GPR176: variants seen among roughly 807,000 people sequenced by gnomAD.
GPR176 encodes the protein G-protein coupled receptor 176.
In GPR176, 26 loss-of-function variants were observed where a neutral mutation model predicts 35.4. That is an observed-to-expected ratio of 0.74 (90% CI 0.54 to 1.02). GPR176 has a LOEUF of 1.02. GPR176 is among the 50% of genes least tolerant of loss of function. The pLI, the probability that GPR176 is intolerant of heterozygous loss-of-function variation, is 0.00. For missense variants in GPR176, 597 were observed against 665.3 expected (o/e 0.90, Z 1.13); for synonymous variants, 278 against 271.3 (o/e 1.02, Z -0.24).
intron 1 of GPR176, among the ~76,000 whole-genome samples, chr15:39,886,613 G>A (rs1283286800): frequency 6.6e-6 from 1 of 152,190 alleles, no homozygotes; most frequent in Non-Finnish European, 1.5e-5. Context: ...ACTAATTAGA[G>A]TGACAAAGCT....
chr15:39,838,358 C>T (rs1901536496), intron 1 of GPR176, among the ~76,000 whole-genome samples: 1 of 152,092 alleles, frequency 6.6e-6, no homozygotes, highest in Admixed American at 6.6e-5. Context: ...CTTCATCTTA[C>T]TATTGTAGAC....
chr15:39,880,057 TGAA>T (rs2032415543), intron 1 of GPR176, among the ~76,000 whole-genome samples: 1 of 152,216 alleles, frequency 6.6e-6, no homozygotes, highest in Admixed American at 6.5e-5. Flanking sequence ...ATGCACACAG[TGAA>T]CACCTTCAAC....
intron 1 of GPR176, chr15:39,909,938 C>A: frequency 1.1e-6 from 1 of 947,384 alleles, no homozygotes; most frequent in African/African-American, 1.8e-5. Flanking sequence ...TCCATTTTCA[C>A]AAGGAAACAT....
Position 39,920,027 on chromosome 15 carries a change from G to T in GPR176, c.-1C>A. 7.5e-7 allele frequency: 1 copy of T among 1,338,212 alleles called. No individual in the cohort carries two copies. Among genetic ancestry groups the T allele is most frequent in the Non-Finnish European group, 9.6e-7 (1 of 1,038,662 alleles). 82.9% of individuals were successfully genotyped at this position (1,338,212 alleles called of 1,614,324 possible). A position where few individuals can be genotyped will look rare whatever the true frequency, so the allele number is the denominator to read the frequency against. On this transcript the variant is annotated 5_prime_UTR_variant, in exon 1 of 3. Transcript: ENST00000561100. ...AGATCCAGCTCCCGTTATGTCCCATGGCGAGGCTGGGACTCCGGCTCCGCG... is the reference window on the plus strand; with the variant it reads ...AGATCCAGCTCCCGTTATGTCCCATTGCGAGGCTGGGACTCCGGCTCCGCG...
At chr15:39,848,847 A>C (rs2030636088) in intron 1 of GPR176, among the ~76,000 whole-genome samples, 1 of 151,694 alleles carries the variant, frequency 6.6e-6, no homozygotes, top group Admixed American at 6.6e-5. Flanking sequence ...CACTACTAAA[A>C]GCTTATAATT....
chr15:39,832,905 C>A (rs994768021), intron 1 of GPR176, among the ~76,000 whole-genome samples: 10 of 152,118 alleles, frequency 6.6e-5, no homozygotes, highest in South Asian at 2.1e-4. Context: ...CCTCCATCTT[C>A]TATCTTTTAA....
chr15:39,892,747 G>A (rs2032923537), intron 1 of GPR176, among the ~76,000 whole-genome samples: 1 of 152,246 alleles, frequency 6.6e-6, no homozygotes, highest in Non-Finnish European at 1.5e-5. Flanking sequence ...AGCTAGGACT[G>A]AGGCATGAAC....
chr15:39,895,989 G>T (rs1393897918), intron 1 of GPR176, among the ~76,000 whole-genome samples: 2 of 152,042 alleles, frequency 1.3e-5, no homozygotes, highest in African/African-American at 4.8e-5. Flanking sequence ...CTACTCCATT[G>T]AAAAAGATAC....
chr15:39,916,631 G>C (rs1461720640), intron 1 of GPR176, among the ~76,000 whole-genome samples: 1 of 152,094 alleles, frequency 6.6e-6, no homozygotes, highest in Non-Finnish European at 1.5e-5. Flanking sequence ...GAGAATATAA[G>C]AAGTATATTT....
At chr15:39,808,051 G>A (rs1195614091) in intron 1 of GPR176, among the ~76,000 whole-genome samples, 1 of 152,162 alleles carries the variant, frequency 6.6e-6, no homozygotes, top group African/African-American at 2.4e-5. Flanking sequence ...GTCCTTGGCT[G>A]CTGCAAGTCT....
chr15:39,911,465 T>C (rs560757668), intron 1 of GPR176, among the ~76,000 whole-genome samples: 35 of 152,340 alleles, frequency 2.3e-4, no homozygotes, highest in African/African-American at 8.2e-4. Flanking sequence ...CCGAATGAAA[T>C]GTGGCCACTG....
rs2140767316 is a variant in GPR176, at chr15:39,801,224, G to A, written c.1456C>T (p.Leu486=). The A allele has an allele frequency of 6.2e-7, 1 of 1,614,054 alleles. No individual in the cohort carries two copies. The part of the protein sequence containing the change: ...LPPLGNTPEE[L]IQTKVPKVGR... ...ACCTTGGGCACCTTTGTCTGGATCA[G>A]CTCTTCTGGGGTGTTGCCCAAGGGG... Residue 486 remains leucine, a synonymous_variant, in exon 3 of 3, where the codon CTG becomes TTG. Coordinates refer to ENST00000561100, the MANE Select transcript of GPR176 (RefSeq NM_007223.3).
intron 1 of GPR176, among the ~76,000 whole-genome samples, chr15:39,911,819 A>T (rs2033585545): frequency 6.6e-6 from 1 of 152,232 alleles, no homozygotes; most frequent in Admixed American, 6.5e-5. Context: ...AGTAGAATCA[A>T]ACTTAAAAGA....
At chr15:39,812,553 G>A (rs1042645501) in intron 1 of GPR176, among the ~76,000 whole-genome samples, 1 of 152,106 alleles carries the variant, frequency 6.6e-6, no homozygotes, top group African/African-American at 2.4e-5. Context: ...TACTTTTGAG[G>A]TTTTGGGACT....
At chr15:39,828,508 C>A (rs1381614296) in intron 1 of GPR176, among the ~76,000 whole-genome samples, 2 of 152,134 alleles carry the variant, frequency 1.3e-5, no homozygotes, top group Non-Finnish European at 2.9e-5. Context: ...TGGCCCTCTG[C>A]CAGCTGGAGG....
intron 1 of GPR176, among the ~76,000 whole-genome samples, chr15:39,842,022 T>C (rs1422784190): frequency 6.6e-6 from 1 of 152,128 alleles, no homozygotes; most frequent in Admixed American, 6.6e-5. Flanking sequence ...ATCTCACTAA[T>C]GATGAGTGCT....
chr15:39,857,840 G>A (rs1369848074), intron 1 of GPR176, among the ~76,000 whole-genome samples: 7 of 151,240 alleles, frequency 4.6e-5, no homozygotes, highest in East Asian at 3.9e-4. Flanking sequence ...GCATGGTGGC[G>A]GGCACCTGTA....
intron 1 of GPR176, among the ~76,000 whole-genome samples, chr15:39,857,968 C>T (rs1310790673): frequency 1.4e-5 from 2 of 140,144 alleles, no homozygotes; most frequent in African/African-American, 5.4e-5. Flanking sequence ...GAGACTCCTT[C>T]TCCAAAAAAA....
chr15:39,906,094 T>C (rs1313814773), intron 1 of GPR176, among the ~76,000 whole-genome samples: 1 of 152,214 alleles, frequency 6.6e-6, no homozygotes, highest in Admixed American at 6.5e-5. Flanking sequence ...GTTTTGTGTG[T>C]ACAAATGGAA....
Sources: allele counts gnomAD v4.1 joint callset (sites outside exome capture counted in the v4.1 genomes callset), GRCh38; gene constraint gnomAD v4.1.1; transcripts MANE v1.5; gene names NCBI Gene and HGNC (gene_info 2026-07-23, HGNC 2026-07-21).